SLC6A13: variants seen among roughly 807,000 people sequenced by gnomAD.
SLC6A13 encodes solute carrier family 6 member 13.
A neutral mutation model predicts 72.9 loss-of-function variants in SLC6A13; 69 were observed. The observed-to-expected ratio is 0.95, with a 90% CI of 0.78 to 1.16. The LOEUF (loss-of-function observed/expected upper bound fraction) is 1.16. Among genes scored for constraint, SLC6A13 ranks in the 50% most tolerant of loss-of-function variants. The pLI, the probability that SLC6A13 is intolerant of heterozygous loss-of-function variation, is 0.00. For synonymous variants in SLC6A13, 303 were observed against 303.0 expected, an observed-to-expected ratio of 1.00 and a Z score of 0.00; for missense variants, 735 against 760.5, an observed-to-expected ratio of 0.97 and a Z score of 0.39.
At chr12:257,728 T>C (rs1038442509) in intron 2 of SLC6A13, among the ~76,000 whole-genome samples, 1 of 152,054 alleles carries the variant, frequency 6.6e-6, no homozygotes, top group Admixed American at 6.5e-5. Context: ...GACCCAAACA[T>C]TGCCAGACAA....
rs922279753 is a variant in SLC6A13, at chr12:225,786, C to A, written c.1060+604G>T. ...CTTCTGAATGCCAAGGTAAAAAAATCATATTATTACAGGGCAAAGTAGGTG... is the reference window on the plus strand; with the variant it reads ...CTTCTGAATGCCAAGGTAAAAAAATAATATTATTACAGGGCAAAGTAGGTG... On this transcript the variant is annotated intron_variant, in intron 9 of 14. Transcript: ENST00000343164. 3.3e-5 allele frequency among the ~76,000 whole-genome samples: 5 copies of A among 152,168 alleles called. No individual in the cohort carries two copies. In the Middle Eastern group the frequency reaches 0.01, roughly 311 times the overall value.
intron 7 of SLC6A13, among the ~76,000 whole-genome samples, chr12:231,657 G>A (rs181980947): frequency 4.1e-4 from 63 of 152,322 alleles, no homozygotes; most frequent in African/African-American, 1.4e-3. Flanking sequence ...AAAGCTGGCT[G>A]GAATGGAAAG....
At chr12:243,945 C>A in intron 2 of SLC6A13, 132 bp from the exon 3 acceptor site, 2 of 771,966 alleles carry the variant, frequency 2.6e-6, no homozygotes, top group Non-Finnish European at 2.1e-6. Flanking sequence ...CTGCAGGAGA[C>A]AGCTGTCTAG....
In SLC6A13 at chr12:220,830, C is replaced by T; in HGVS notation, c.*118G>A. ...TCAGCAGGTGGACTCCAAAATACCC[C>T]TCTTGTCTTATCCACTCCAGGTCGG... On this transcript the variant is annotated 3_prime_UTR_variant, in exon 15 of 15. Transcript: ENST00000343164. 2.3e-6 allele frequency: 3 copies of T among 1,320,106 alleles called. No homozygotes were observed. Among genetic ancestry groups the T allele is most frequent in the Non-Finnish European group, 3.1e-6 (3 of 964,604 alleles). The allele number at this position is 1,320,106 out of a possible 1,614,324, so 81.8% of individuals were successfully genotyped here. A position where few individuals can be genotyped will look rare whatever the true frequency, so the allele number is the denominator to read the frequency against.
chr12:238,620 T>C (rs1942032049), intron 4 of SLC6A13, among the ~76,000 whole-genome samples: 1 of 152,088 alleles, frequency 6.6e-6, no homozygotes, highest in Non-Finnish European at 1.5e-5. Flanking sequence ...TTACAAAGAG[T>C]ACTGACTTTT....
At chr12:238,613 CAA>C in intron 4 of SLC6A13, among the ~76,000 whole-genome samples, 1 of 152,170 alleles carries the variant, frequency 6.6e-6, no homozygotes, top group East Asian at 1.9e-4. Flanking sequence ...TGGAGTTTTA[CAA>C]AGAGTACTGA....
intron 2 of SLC6A13, chr12:259,025 A>T: frequency 6.6e-6 from 1 of 151,476 alleles, no homozygotes. Flanking sequence ...ACTATTTATT[A>T]CTTAAGACCA....
chr12:221,425 G>A lies in SLC6A13; in HGVS notation c.1637C>T (p.Pro546Leu). 1 of 1,613,514 alleles carries A rather than the reference G, an allele frequency of 6.2e-7. No individual in the cohort carries two copies. Among genetic ancestry groups the A allele is most frequent in the East Asian group, 2.2e-5 (1 of 44,878 alleles). The stretch of plus-strand genomic sequence containing the variant: ...TCCGAGTCTGTAGAGGCTCCAGGCA[G>A]GAATGCAGACCATGGAGGACAGAGC... ...LLALSSMVCIPAWSLYRLGTL... is the reference protein window; with the variant it reads ...LLALSSMVCILAWSLYRLGTL... Residue 546 changes from proline (P) to leucine (L), a missense_variant, in exon 14 of 15, where the codon CCT becomes CTT. Pro to Leu is a moderately conservative substitution (Grantham distance 98, BLOSUM62 -3). Coordinates refer to ENST00000343164, the MANE Select transcript of SLC6A13 (RefSeq NM_016615.5).
At chr12:227,464 T>C in intron 8 of SLC6A13, 101 bp downstream of exon 8, 1 of 1,558,126 alleles carries the variant, frequency 6.4e-7, no homozygotes, top group East Asian at 2.4e-5. Flanking sequence ...GGGGGGCAGA[T>C]CCAGGAGCTG....
intron 2 of SLC6A13, among the ~76,000 whole-genome samples, chr12:250,833 C>CAAAAAAAAAAAAAAAAAAAAAAAAAAAA (rs71045051): frequency 1.2e-5 from 1 of 82,604 alleles, no homozygotes; most frequent in African/African-American, 4.9e-5. Context: ...AATAGCCCCC[C>CAAAAAAAAAAAAAAAAAAAAAAAAAAAA]AAAAAAAAAA....
chr12:240,308 A>C (rs1942117676), intron 4 of SLC6A13, among the ~76,000 whole-genome samples: 1 of 152,226 alleles, frequency 6.6e-6, no homozygotes, highest in South Asian at 2.1e-4. Context: ...GGCTCAAGCA[A>C]TCCTCCTGTC....
At chr12:230,017 C>T (rs1278542560) in intron 7 of SLC6A13, among the ~76,000 whole-genome samples, 2 of 152,078 alleles carry the variant, frequency 1.3e-5, no homozygotes, top group African/African-American at 4.8e-5. Context: ...TGACCAAAGC[C>T]CCCTCGCTGG....
intron 2 of SLC6A13, among the ~76,000 whole-genome samples, chr12:245,359 C>T (rs1311737951): frequency 6.6e-6 from 1 of 152,184 alleles, no homozygotes; most frequent in Non-Finnish European, 1.5e-5. Flanking sequence ...CTTCACTGAT[C>T]CCAGAACAGA....
At chr12:235,031 A>G (rs1941871080) in intron 7 of SLC6A13, 59 bp downstream of exon 7, 1 of 1,607,310 alleles carries the variant, frequency 6.2e-7, no homozygotes, top group Non-Finnish European at 8.5e-7. Context: ...AGTGCAGGGA[A>G]AGCCTGAAGC....
At chr12:257,397 T>G (rs1942780399) in intron 2 of SLC6A13, 1 of 152,444 alleles carries the variant, frequency 6.6e-6, no homozygotes, top group South Asian at 2.1e-4. Flanking sequence ...GCTGCTGTCA[T>G]CCATCAGCGA....
At chr12:236,434 C>T (rs11062085) in intron 6 of SLC6A13, among the ~76,000 whole-genome samples, 10,199 of 152,280 alleles carry the variant, frequency 0.067, 477 homozygotes, top group Middle Eastern at 0.099. Context: ...AAAGAACCTA[C>T]TTTGAAATAT....
chr12:262,477 C>G (rs1415180358), intron 1 of SLC6A13, among the ~76,000 whole-genome samples: 2 of 152,180 alleles, frequency 1.3e-5, no homozygotes, highest in African/African-American at 4.8e-5. Flanking sequence ...TCAGTCCTGT[C>G]AGAGTTGATC....
At chr12:262,610 A>G (rs1942963477) in intron 1 of SLC6A13, 179 bp downstream of exon 1, 1 of 811,976 alleles carries the variant, frequency 1.2e-6, no homozygotes, top group African/African-American at 1.9e-5. Context: ...ACAGCCACCC[A>G]AGTTTCAGAA....
chr12:237,411 C>CA, intron 5 of SLC6A13, 121 bp from the exon 6 acceptor site: 1 of 1,076,834 alleles, frequency 9.3e-7, no homozygotes, highest in Non-Finnish European at 1.4e-6. Flanking sequence ...TCTCTGCTCT[C>CA]TTCACATGAG....
Sources: allele counts gnomAD v4.1 joint callset (sites outside exome capture counted in the v4.1 genomes callset), GRCh38; gene constraint gnomAD v4.1.1; transcripts MANE v1.5; gene names NCBI Gene and HGNC (gene_info 2026-07-23, HGNC 2026-07-21).